Variants in ADAMTSL1 observed in about 807,000 individuals in gnomAD.
ADAMTSL1 encodes the protein ADAMTS like 1.
In ADAMTSL1, 126 loss-of-function variants were observed where a neutral mutation model predicts 201.8. The observed-to-expected ratio is 0.62, with a 90% CI of 0.54 to 0.72. ADAMTSL1 has a LOEUF of 0.72. Among genes scored for constraint, ADAMTSL1 ranks in the 30% least tolerant of loss-of-function variants. The pLI is 0.00. For missense variants in ADAMTSL1, 2,679 were observed against 2,277.8 expected (o/e 1.18, Z -3.59); for synonymous variants, 1,121 against 903.4 (o/e 1.24, Z -4.32).
intron 2 of ADAMTSL1, among the ~76,000 whole-genome samples, chr9:18,172,879 A>G (rs968676801): frequency 2.6e-5 from 4 of 152,140 alleles, no homozygotes; most frequent in Admixed American, 2.0e-4. Context: ...TGCCATTTTA[A>G]TGTTACATAA....
intron 2 of ADAMTSL1, among the ~76,000 whole-genome samples, chr9:18,399,306 TA>T (rs1817880114): frequency 8.7e-6 from 1 of 114,764 alleles, no homozygotes. Context: ...TATATATATA[TA>T]TATATATATA....
chr9:18,909,911 A>T lies in ADAMTSL1; in HGVS notation c.*1363A>T, dbSNP rs1830514123. ...GGTGAGGCGGCTGGAGCAAAGTCAA[A>T]GTCATGCAGCAAAATGAAAACTCTG... On this transcript the variant is annotated 3_prime_UTR_variant, in exon 29 of 29. Coordinates refer to ENST00000380548, the MANE Select transcript of ADAMTSL1 (RefSeq NM_001040272.6). The T allele has an allele frequency of 6.6e-6, 1 of 152,278 alleles. No homozygotes were observed. The highest frequency in any genetic ancestry group is 1.5e-5 in the Non-Finnish European group (1 of 68,102). 9.4% of individuals were successfully genotyped at this position (152,278 alleles called of 1,614,324 possible).
At chr9:18,865,169 T>A (rs1329099814) in intron 23 of ADAMTSL1, among the ~76,000 whole-genome samples, 1 of 152,126 alleles carries the variant, frequency 6.6e-6, no homozygotes, top group Non-Finnish European at 1.5e-5. Flanking sequence ...TAGGTATATC[T>A]CCTAATGCTA....
rs368916572 is a variant in ADAMTSL1, at chr9:18,835,454, G to A, written c.4249+5477G>A. ...TCTTAACAGTGTCTTACAAAGAGTA[G>A]AAGATTTTGATTTTGATGAGGCTCA... On this transcript the variant is annotated intron_variant, in intron 23 of 28. Coordinates refer to ENST00000380548, the MANE Select transcript of ADAMTSL1 (RefSeq NM_001040272.6). Among the ~76,000 whole-genome samples the A allele has an allele frequency of 1.1e-4, 17 of 152,218 alleles. No homozygotes were observed. In the South Asian group the frequency reaches 3.5e-3, roughly 32 times the overall value.
intron 2 of ADAMTSL1, among the ~76,000 whole-genome samples, chr9:18,359,842 C>T (rs1482440681): frequency 8.3e-6 from 1 of 119,924 alleles, no homozygotes; most frequent in South Asian, 2.9e-4. Context: ...CCCGCCCACA[C>T]AAAATGCCCC....
At chr9:18,138,113 TC>T (rs1826236261) in intron 1 of ADAMTSL1, among the ~76,000 whole-genome samples, 1 of 152,078 alleles carries the variant, frequency 6.6e-6, no homozygotes, top group Non-Finnish European at 1.5e-5. Context: ...AACTTAAACC[TC>T]CTGAGACTCG....
At chr9:18,209,342 C>A (rs747794413) in intron 2 of ADAMTSL1, among the ~76,000 whole-genome samples, 2 of 152,080 alleles carry the variant, frequency 1.3e-5, no homozygotes, top group Non-Finnish European at 2.9e-5. Context: ...GTGAATATGG[C>A]ACATTTATGC....
intron 7 of ADAMTSL1, among the ~76,000 whole-genome samples, chr9:18,646,372 A>G (rs1022890474): frequency 2.6e-5 from 4 of 151,952 alleles, no homozygotes; most frequent in African/African-American, 9.7e-5. Context: ...CTAATTGAAT[A>G]CCCTTTATTT....
intron 1 of ADAMTSL1, among the ~76,000 whole-genome samples, chr9:18,044,586 C>G (rs968793678): frequency 2.0e-5 from 3 of 152,128 alleles, no homozygotes; most frequent in Non-Finnish European, 4.4e-5. Context: ...TAGCATCTTA[C>G]TACCAATTAG....
At chr9:18,247,044 G>C (rs972101849) in intron 2 of ADAMTSL1, among the ~76,000 whole-genome samples, 2 of 151,910 alleles carry the variant, frequency 1.3e-5, no homozygotes, top group African/African-American at 4.8e-5. Context: ...TGTTTTTTTG[G>C]GTATTGGGGT....
intron 2 of ADAMTSL1, among the ~76,000 whole-genome samples, chr9:18,291,716 T>TTCTCTCTC (rs766379106): frequency 1.7e-4 from 20 of 114,686 alleles, no homozygotes; most frequent in African/African-American, 5.2e-4. Context: ...CTCTCTCTCT[T>TTCTCTCTC]TCTCTCTCTC....
intron 14 of ADAMTSL1, among the ~76,000 whole-genome samples, chr9:18,709,204 T>G (rs78705468): frequency 6.6e-6 from 1 of 152,278 alleles, no homozygotes; most frequent in East Asian, 1.9e-4. Flanking sequence ...TATGCTTGGG[T>G]TATATGGTCC....
chr9:18,252,772 G>A (rs1054323379), intron 2 of ADAMTSL1, among the ~76,000 whole-genome samples: 1 of 152,122 alleles, frequency 6.6e-6, no homozygotes, highest in African/African-American at 2.4e-5. Context: ...GTTAGGAAAT[G>A]AGCATCTTAA....
chr9:18,439,101 C>G (rs1819883009), intron 2 of ADAMTSL1, among the ~76,000 whole-genome samples: 1 of 151,880 alleles, frequency 6.6e-6, no homozygotes, highest in Admixed American at 6.6e-5. Flanking sequence ...AAGCATCTTA[C>G]GGAACATGGT....
intron 26 of ADAMTSL1, chr9:18,905,547 C>G (rs1051749311): frequency 1.9e-6 from 1 of 530,072 alleles, no homozygotes; most frequent in African/African-American, 1.9e-5. Flanking sequence ...TGGTTCTACA[C>G]TACCATTAGC....
chr9:18,838,882 T>A (rs9644817), intron 23 of ADAMTSL1, among the ~76,000 whole-genome samples: 79,490 of 143,032 alleles, frequency 0.56, 21,245 homozygotes, highest in South Asian at 0.57. Context: ...CTCTTTTTTT[T>A]AAAAAAAAAA....
At chr9:18,175,267 A>G (rs569069038) in intron 2 of ADAMTSL1, among the ~76,000 whole-genome samples, 11 of 152,178 alleles carry the variant, frequency 7.2e-5, no homozygotes, top group Admixed American at 2.0e-4. Context: ...CAAATTTGAT[A>G]TTTAATGGAA....
chr9:18,774,647 T>C (rs1246302709), intron 17 of ADAMTSL1, among the ~76,000 whole-genome samples: 1 of 152,214 alleles, frequency 6.6e-6, no homozygotes, highest in Non-Finnish European at 1.5e-5. Context: ...TGAGGTATAA[T>C]TTATATATTA....
intron 1 of ADAMTSL1, among the ~76,000 whole-genome samples, chr9:18,069,473 C>A (rs923811475): frequency 6.6e-6 from 1 of 152,056 alleles, no homozygotes; most frequent in African/African-American, 2.4e-5. Context: ...ATAAGTTTAC[C>A]ATTATGCTTT....
Sources: allele counts gnomAD v4.1 joint callset (sites outside exome capture counted in the v4.1 genomes callset), GRCh38; gene constraint gnomAD v4.1.1; transcripts MANE v1.5; gene names NCBI Gene and HGNC (gene_info 2026-07-23, HGNC 2026-07-21).